Variants in CLNK observed in about 807,000 individuals in gnomAD.
CLNK encodes cytokine-dependent hematopoietic cell linker.
In CLNK, 74 loss-of-function variants were observed where a neutral mutation model predicts 68.6. The ratio of observed to expected loss-of-function variants is 1.08; its 90% CI spans 0.89 to 1.31. CLNK has a LOEUF of 1.31. Among genes scored for constraint, CLNK ranks in the 50% most tolerant of loss-of-function variants. The pLI is 0.00. For synonymous variants in CLNK, 198 were observed against 172.2 expected (o/e 1.15, Z -1.17); for missense variants, 553 against 515.3 (o/e 1.07, Z -0.71).
chr4:10,606,374 A>G (rs1721791641), intron 2 of CLNK, among the ~76,000 whole-genome samples: 1 of 152,016 alleles, frequency 6.6e-6, no homozygotes, highest in South Asian at 2.1e-4. Context: ...TGTGATATCA[A>G]TGCCTTCTTC....
intron 2 of CLNK, among the ~76,000 whole-genome samples, chr4:10,651,622 T>C (rs1334239918): frequency 6.6e-6 from 1 of 152,142 alleles, no homozygotes; most frequent in Non-Finnish European, 1.5e-5. Context: ...AAATAAAATA[T>C]GACCAAAGAC....
intron 2 of CLNK, among the ~76,000 whole-genome samples, chr4:10,598,842 T>A (rs1211731469): frequency 6.6e-6 from 1 of 152,296 alleles, no homozygotes; most frequent in African/African-American, 2.4e-5. Context: ...ACCAACTGCC[T>A]CCTTAGCTCA....
chr4:10,498,385 G>A (rs1275649664), intron 18 of CLNK, among the ~76,000 whole-genome samples: 3 of 152,158 alleles, frequency 2.0e-5, no homozygotes, highest in South Asian at 2.1e-4. Context: ...CCCGCTACTC[G>A]GGAGGCTGAG....
At chr4:10,718,897 G>A in the CLNK span, among the ~76,000 whole-genome samples, 1 of 152,034 alleles carries the variant, frequency 6.6e-6, no homozygotes, top group Non-Finnish European at 1.5e-5. Flanking sequence ...AAGGTGGAAG[G>A]AGAGATGGGA....
chr4:10,516,780 A>G (rs1717855770), intron 15 of CLNK, among the ~76,000 whole-genome samples: 1 of 152,118 alleles, frequency 6.6e-6, no homozygotes, highest in Non-Finnish European at 1.5e-5. Flanking sequence ...TGAACTTCTG[A>G]TCTCAGGCGA....
intron 8 of CLNK, among the ~76,000 whole-genome samples, chr4:10,555,240 C>G (rs1442955316): frequency 6.6e-6 from 1 of 151,546 alleles, no homozygotes; most frequent in Non-Finnish European, 1.5e-5. Flanking sequence ...TATTGTAGTT[C>G]TTTATAAATT....
chr4:10,496,842 C>A lies in CLNK; in HGVS notation c.1140+4414G>T, dbSNP rs183783678. Among the ~76,000 whole-genome samples, 613 of 152,306 alleles carry A rather than the reference C, an allele frequency of 4.0e-3. 3 individuals are homozygous for A. The highest frequency in any genetic ancestry group is 7.3e-3 in the Non-Finnish European group (500 of 68,030). Reference sequence around the variant, plus strand: ...TTACATAGGGCGAACACCAAGTAACCAATGGAAACCTCTAGCAGATATTTA... The same window carrying A: ...TTACATAGGGCGAACACCAAGTAACAAATGGAAACCTCTAGCAGATATTTA... On this transcript the variant is annotated intron_variant, in intron 18 of 18. Transcript: ENST00000226951.
intron 4 of CLNK, among the ~76,000 whole-genome samples, chr4:10,581,228 T>C (rs1387954708): frequency 1.3e-5 from 2 of 152,188 alleles, no homozygotes; most frequent in African/African-American, 4.8e-5. Context: ...GTACATTCTA[T>C]GACGTACACA....
chr4:10,537,621 CTTTCTT>C (rs1263885046), intron 11 of CLNK, among the ~76,000 whole-genome samples: 1 of 144,200 alleles, frequency 6.9e-6, no homozygotes, highest in African/African-American at 2.6e-5. Context: ...TTCTCTCTCT[CTTTCTT>C]TCTTTCTTTC....
At chr4:10,504,730 G>A (rs903344070) in intron 17 of CLNK, among the ~76,000 whole-genome samples, 3 of 152,170 alleles carry the variant, frequency 2.0e-5, no homozygotes, top group African/African-American at 7.2e-5. Flanking sequence ...TCATGGCCAA[G>A]TTTTGGGTTT....
chr4:10,572,351 A>G (rs1482612789), intron 4 of CLNK, among the ~76,000 whole-genome samples: 1 of 152,236 alleles, frequency 6.6e-6, no homozygotes, highest in African/African-American at 2.4e-5. Flanking sequence ...AAAACACAGC[A>G]GTTGCCTTTT....
At chr4:10,704,992 G>C in the CLNK span, among the ~76,000 whole-genome samples, 1 of 152,164 alleles carries the variant, frequency 6.6e-6, no homozygotes, top group East Asian at 1.9e-4. Flanking sequence ...AGGATGGTAT[G>C]GCCCAAGCGT....
At chr4:10,666,962 G>A (rs997514536) in intron 2 of CLNK, among the ~76,000 whole-genome samples, 1 of 152,146 alleles carries the variant, frequency 6.6e-6, no homozygotes, top group East Asian at 1.9e-4. Flanking sequence ...GCCCACCTGC[G>A]AGGTACAGTC....
chr4:10,722,377 C>T, the CLNK span, among the ~76,000 whole-genome samples: 1 of 152,130 alleles, frequency 6.6e-6, no homozygotes, highest in African/African-American at 2.4e-5. Context: ...CCTTCCAGCC[C>T]CATCTCCCGC....
chr4:10,504,221 C>T (rs1427602178), intron 17 of CLNK, among the ~76,000 whole-genome samples: 2 of 142,282 alleles, frequency 1.4e-5, no homozygotes, highest in African/African-American at 2.6e-5. Context: ...CCTGGGTTCA[C>T]GCCGTTCTCC....
intron 15 of CLNK, among the ~76,000 whole-genome samples, chr4:10,515,882 A>C (rs1216312387): frequency 2.6e-5 from 4 of 152,218 alleles, no homozygotes; most frequent in Non-Finnish European, 4.4e-5. Context: ...CAAGTACAAG[A>C]CAGACCAAGG....
At chr4:10,537,698 C>CTTTCTTTCTTTCTTTCTTTCTTT (rs1560206954) in intron 11 of CLNK, among the ~76,000 whole-genome samples, 10 of 12,962 alleles carry the variant, frequency 7.7e-4, no homozygotes, top group Non-Finnish European at 1.6e-3. Flanking sequence ...TTCCTTCCTT[C>CTTTCTTTCTTTCTTTCTTTCTTT]CTTCCTTCCT....
At chr4:10,666,445 G>A (rs141941193) in intron 2 of CLNK, among the ~76,000 whole-genome samples, 1 of 152,306 alleles carries the variant, frequency 6.6e-6, no homozygotes, top group African/African-American at 2.4e-5. Flanking sequence ...CAGCTCACCT[G>A]GATTGACATC....
intron 2 of CLNK, among the ~76,000 whole-genome samples, chr4:10,653,151 G>A (rs1723821270): frequency 6.6e-6 from 1 of 152,036 alleles, no homozygotes; most frequent in Admixed American, 6.6e-5. Context: ...GAGAACACAT[G>A]GACACAGGGA....
Sources: gnomAD v4.1 joint callset for allele counts (sites outside exome capture counted in the v4.1 genomes callset) on GRCh38, gnomAD v4.1.1 for gene constraint, MANE v1.5 for transcripts, NCBI Gene and HGNC (gene_info 2026-07-23, HGNC 2026-07-21) for gene names.